UNC50: variants seen among roughly 807,000 people sequenced by gnomAD.
UNC50 encodes the protein protein unc-50 homolog.
A neutral mutation model predicts 31.5 loss-of-function variants in UNC50; 24 were observed. That is an observed-to-expected ratio of 0.76 (90% CI 0.55 to 1.07). The LOEUF (loss-of-function observed/expected upper bound fraction) is 1.07. UNC50 is among the 50% of genes least tolerant of loss of function. The pLI is 0.00. For synonymous variants in UNC50, 118 were observed against 114.7 expected, an observed-to-expected ratio of 1.03 and a Z score of -0.18; for missense variants, 245 against 304.2, an observed-to-expected ratio of 0.81 and a Z score of 1.45.
At chr2:98,615,961 C>A (rs1700912670) in intron 3 of UNC50, among the ~76,000 whole-genome samples, 1 of 152,214 alleles carries the variant, frequency 6.6e-6, no homozygotes, top group Non-Finnish European at 1.5e-5. Flanking sequence ...TTATGACCCT[C>A]ATATGTACAA....
At position 98,609,459 on chromosome 2, in the gene UNC50, G is replaced by T. The variant is rs1026878110; in HGVS notation, c.-4-297G>T. ...CAATCTTGGCTCTATCACTATCCTC[G>T]GAGTCATGGGGCAGTCACATCATCC... On this transcript the variant is annotated intron_variant, in intron 1 of 5. Transcript: ENST00000357765. 1.7e-5 allele frequency: 8 copies of T among 463,748 alleles called. No homozygotes were observed. The East Asian group carries it at 3.0e-4, about 18-fold the overall frequency. The allele number at this position is 463,748 out of a possible 1,614,324, so 28.7% of individuals were successfully genotyped here. A position where few individuals can be genotyped will look rare whatever the true frequency, so the allele number is the denominator to read the frequency against.
chr2:98,608,621 G>T lies in UNC50; in HGVS notation c.-110G>T. 6.8e-6 allele frequency: 4 copies of T among 592,518 alleles called. No individual in the cohort carries two copies. Among genetic ancestry groups the T allele is most frequent in the Non-Finnish European group, 9.0e-6 (3 of 334,300 alleles). 36.7% of individuals were successfully genotyped at this position (592,518 alleles called of 1,614,324 possible). A position where few individuals can be genotyped will look rare whatever the true frequency, so the allele number is the denominator to read the frequency against. ...GTGACGCGGCGCGCCCCAAGGGCCG[G>T]CTCCGTTGAGGGAAGGGAAGCCCGC... is the stretch of plus-strand genomic sequence containing the variant. On this transcript the variant is annotated 5_prime_UTR_variant, in exon 1 of 6. Coordinates refer to ENST00000357765, the MANE Select transcript of UNC50 (RefSeq NM_014044.7).
Position 98,609,897 on chromosome 2 carries a change from T to C in UNC50, c.138T>C (p.Phe46=). 3 of 1,614,200 alleles carry C rather than the reference T, an allele frequency of 1.9e-6. No individual in the cohort carries two copies. Among genetic ancestry groups the C allele is most frequent in the Non-Finnish European group, 2.5e-6 (3 of 1,180,036 alleles). ...TTTTCCGCTTTCGGCAAATGGACTT[T>C]GAATTTGCTGCCTGGCAGATGCTCT... The part of the protein sequence containing the change: ...RRLFRFRQMD[F]EFAAWQMLYL... The change falls in exon 2 of 6, where the codon TTT becomes TTC. Residue 46 remains phenylalanine (F), a synonymous_variant. Coordinates refer to ENST00000357765, the MANE Select transcript of UNC50 (RefSeq NM_014044.7).
At chr2:98,609,604 A>G in intron 1 of UNC50, 152 bp from the exon 2 acceptor site, 1 of 1,245,118 alleles carries the variant, frequency 8.0e-7, no homozygotes, top group Admixed American at 2.0e-5. Flanking sequence ...CCGCCTCAGA[A>G]CTAACTGCAT....
chr2:98,609,824 C>T lies in UNC50; in HGVS notation c.65C>T (p.Ala22Val), dbSNP rs773297719. The change falls in exon 2 of 6, where the codon GCG (alanine) becomes GTG (valine). Residue 22 changes from alanine to valine, a missense_variant. Physicochemically the swap from Ala to Val is moderately conservative, Grantham distance 64. Transcript: ENST00000357765. ...AACGGAGTCTTGAATTCCAGGGATG[C>T]GGCAAGACACACAGCCGGAGCGAAA... ...QGNGVLNSRDAARHTAGAKRY... is the reference protein window; with the variant it reads ...QGNGVLNSRDVARHTAGAKRY... 9 of 1,614,046 alleles carry T rather than the reference C, an allele frequency of 5.6e-6. No individual in the cohort carries two copies. Among genetic ancestry groups the T allele is most frequent in the Non-Finnish European group, 7.6e-6 (9 of 1,180,054 alleles).
chr2:98,610,851 C>T lies in UNC50; in HGVS notation c.357C>T (p.Leu119=), dbSNP rs1206035014. The T allele has an allele frequency of 1.2e-6, 2 of 1,614,122 alleles. No individual in the cohort carries two copies. The highest frequency in any genetic ancestry group is 1.7e-6 in the Non-Finnish European group (2 of 1,180,004). The change falls in exon 3 of 6, where the codon CTC becomes CTT. Residue 119 remains leucine, a synonymous_variant. Coordinates refer to ENST00000357765, the MANE Select transcript of UNC50 (RefSeq NM_014044.7). ...ETIKLLLWVV[L]IDCVGVGLLI... ...TAAAGCTTCTCCTTTGGGTTGTACT[C>T]ATAGATTGTGTAGGCGTTGGTCTTC...
In UNC50 at chr2:98,616,427, G is replaced by T; in HGVS notation, c.542-5G>T. 6.2e-7 allele frequency: 1 copy of T among 1,613,896 alleles called. No homozygotes were observed. Among genetic ancestry groups the T allele is most frequent in the Non-Finnish European group, 8.5e-7 (1 of 1,179,904 alleles). On this transcript the variant is annotated splice_region_variant and splice_polypyrimidine_tract_variant and intron_variant, in intron 4 of 5. Coordinates refer to ENST00000357765, the MANE Select transcript of UNC50 (RefSeq NM_014044.7). Reference sequence around the variant, plus strand: ...GGGACTCATGGTCTGCGTCTCTTCTGGCAGATGTTATCCTGACAGACACAT... The same window carrying T: ...GGGACTCATGGTCTGCGTCTCTTCTTGCAGATGTTATCCTGACAGACACAT...
chr2:98,618,292 C>T lies in UNC50; in HGVS notation c.768C>T (p.Tyr256=), dbSNP rs368384475. ...FTHTLCSFYK[Y]RVK is the part of the protein sequence containing the mutation. ...ATACTCTCTGTTCTTTCTATAAGTA[C>T]AGAGTGAAATAAAAAGTGAGAAGAA... The change falls in exon 6 of 6, where the codon TAC becomes TAT. Residue 256 remains tyrosine, a synonymous_variant. Coordinates refer to ENST00000357765, the MANE Select transcript of UNC50 (RefSeq NM_014044.7). 6.3e-7 allele frequency: 1 copy of T among 1,594,820 alleles called. No individual in the cohort carries two copies. Among genetic ancestry groups the T allele is most frequent in the South Asian group, 1.2e-5 (1 of 86,822 alleles).
chr2:98,611,849 T>G (rs1700834677), intron 3 of UNC50, among the ~76,000 whole-genome samples: 1 of 152,172 alleles, frequency 6.6e-6, no homozygotes, highest in South Asian at 2.1e-4. Context: ...GGAGTCTTAC[T>G]TTGAATCTTT....
chr2:98,614,669 G>A (rs1051478299), intron 3 of UNC50, among the ~76,000 whole-genome samples: 4 of 152,190 alleles, frequency 2.6e-5, no homozygotes, highest in African/African-American at 9.7e-5. Context: ...TGGGATAAGC[G>A]GGAGAATAGG....
At position 98,618,441 on chromosome 2, in the gene UNC50, T is replaced by C. The variant is rs1265488807; in HGVS notation, c.*137T>C. 1.3e-6 allele frequency: 1 copy of C among 797,806 alleles called. No individual in the cohort carries two copies. Among genetic ancestry groups the C allele is most frequent in the African/African-American group, 1.8e-5 (1 of 56,022 alleles). The allele number at this position is 797,806 out of a possible 1,614,324, so 49.4% of individuals were successfully genotyped here. A position where few individuals can be genotyped will look rare whatever the true frequency, so the allele number is the denominator to read the frequency against. On this transcript the variant is annotated 3_prime_UTR_variant, in exon 6 of 6. Coordinates refer to ENST00000357765, the MANE Select transcript of UNC50 (RefSeq NM_014044.7). Reference sequence around the variant, plus strand: ...GTTTGCAAATTTGAAGAAATATATATTAACACTGTGGTCAGGTACATTCCT... The same window carrying C: ...GTTTGCAAATTTGAAGAAATATATACTAACACTGTGGTCAGGTACATTCCT...
intron 5 of UNC50, 35 bp downstream of exon 5, chr2:98,616,568 C>T (rs766560370): frequency 1.9e-6 from 3 of 1,555,434 alleles, no homozygotes; most frequent in Non-Finnish European, 2.7e-6. Flanking sequence ...TGGTTGAGAA[C>T]ATAGCAAGAG....
chr2:98,612,705 A>G (rs1332669420), intron 3 of UNC50, among the ~76,000 whole-genome samples: 1 of 152,210 alleles, frequency 6.6e-6, no homozygotes, highest in Non-Finnish European at 1.5e-5. Context: ...CACCGCGCCC[A>G]GCCAATACCA....
chr2:98,617,886 A>G (rs1700958528), intron 5 of UNC50, among the ~76,000 whole-genome samples: 1 of 152,152 alleles, frequency 6.6e-6, no homozygotes, highest in African/African-American at 2.4e-5. Context: ...TTTCTCCCTC[A>G]TTGTTAACCT....
At chr2:98,608,752 T>G in intron 1 of UNC50, 26 bp downstream of exon 1, 2 of 328,434 alleles carry the variant, frequency 6.1e-6, no homozygotes, top group African/African-American at 2.3e-5. Flanking sequence ...CACTCTGCCC[T>G]CCCGCGGCCC....
At chr2:98,610,153 T>C in intron 2 of UNC50, 114 bp downstream of exon 2, 1 of 1,155,852 alleles carries the variant, frequency 8.7e-7, no homozygotes, top group Non-Finnish European at 1.2e-6. Context: ...TTCTCCTTTT[T>C]ACTGAAGCCT....
chr2:98,610,454 G>A (rs533271250), intron 2 of UNC50, among the ~76,000 whole-genome samples: 2 of 152,212 alleles, frequency 1.3e-5, no homozygotes, highest in South Asian at 2.1e-4. Flanking sequence ...TACCTGTAGG[G>A]TGTTGAAGTG....
intron 1 of UNC50, chr2:98,608,969 T>G (rs945581677): frequency 5.7e-6 from 1 of 174,688 alleles, no homozygotes; most frequent in Non-Finnish European, 1.2e-5. Flanking sequence ...GTAGGCATAC[T>G]AAAACCTTAT....
At chr2:98,609,631 G>T in intron 1 of UNC50, 125 bp from the exon 2 acceptor site, 1 of 1,468,036 alleles carries the variant, frequency 6.8e-7, no homozygotes, top group South Asian at 1.3e-5. Context: ...TTGACTCCTG[G>T]CCTTTCTCTA....
Sources: allele counts gnomAD v4.1 joint callset (sites outside exome capture counted in the v4.1 genomes callset), GRCh38; gene constraint gnomAD v4.1.1; transcripts MANE v1.5; gene names NCBI Gene and HGNC (gene_info 2026-07-23, HGNC 2026-07-21).